The following TENM3 variants were observed in gnomAD, a reference collection of about 807,000 sequenced individuals.
The protein encoded by TENM3 is teneurin-3.
In TENM3, 63 loss-of-function variants were observed where a neutral mutation model predicts 255.1. The ratio of observed to expected loss-of-function variants is 0.25; its 90% CI spans 0.20 to 0.30. The LOEUF (loss-of-function observed/expected upper bound fraction) is 0.30, where lower values mean the gene tolerates loss of function less well. Among genes scored for constraint, TENM3 ranks in the 10% least tolerant of loss-of-function variants. TENM3 has a pLI of 1.00. For synonymous variants in TENM3, 1,306 were observed against 1,322.3 expected, an observed-to-expected ratio of 0.99 and a Z score of 0.27; for missense variants, 2,929 against 3,461.1, an observed-to-expected ratio of 0.85 and a Z score of 3.86.
chr4:181,696,066 C>T, the TENM3 span, among the ~76,000 whole-genome samples: 19 of 151,976 alleles, frequency 1.3e-4, no homozygotes, highest in Non-Finnish European at 2.5e-4. Context: ...GCCGGACACG[C>T]GTTTGTATTT....
chr4:182,522,577 A>T (rs1738693645), intron 3 of TENM3, among the ~76,000 whole-genome samples: 1 of 152,138 alleles, frequency 6.6e-6, no homozygotes, highest in South Asian at 2.1e-4. Flanking sequence ...TTTCTTTTTT[A>T]AAAAATTTAT....
chr4:181,870,176 A>G, the TENM3 span, among the ~76,000 whole-genome samples: 14 of 152,070 alleles, frequency 9.2e-5, no homozygotes, highest in African/African-American at 2.9e-4. Flanking sequence ...TTTATTTTTT[A>G]CTCTTGAATA....
At chr4:181,834,658 C>T in the TENM3 span, among the ~76,000 whole-genome samples, 2 of 152,178 alleles carry the variant, frequency 1.3e-5, no homozygotes. Flanking sequence ...TGAGAGTGAT[C>T]CTGTCATGCG....
At chr4:182,081,017 C>T in the TENM3 span, among the ~76,000 whole-genome samples, 1 of 151,850 alleles carries the variant, frequency 6.6e-6, no homozygotes, top group Non-Finnish European at 1.5e-5. Context: ...GACTAAGTAT[C>T]GCTGCCTTGC....
At chr4:181,939,097 A>G in the TENM3 span, among the ~76,000 whole-genome samples, 1 of 152,236 alleles carries the variant, frequency 6.6e-6, no homozygotes, top group Non-Finnish European at 1.5e-5. Context: ...AATGAAGATA[A>G]TAATTATAAC....
At chr4:181,650,500 G>C in the TENM3 span, among the ~76,000 whole-genome samples, 1 of 152,172 alleles carries the variant, frequency 6.6e-6, no homozygotes, top group African/African-American at 2.4e-5. Flanking sequence ...TGGAGACGGG[G>C]TGTTCATCAT....
intron 4 of TENM3, among the ~76,000 whole-genome samples, chr4:182,624,598 C>T (rs568036162): frequency 7.4e-4 from 112 of 152,288 alleles, no homozygotes; most frequent in Non-Finnish European, 1.3e-3. Context: ...CTGCTCCCAG[C>T]GTGGACATGT....
chr4:182,676,611 C>A (rs1316461283), intron 7 of TENM3, among the ~76,000 whole-genome samples: 1 of 152,160 alleles, frequency 6.6e-6, no homozygotes, highest in African/African-American at 2.4e-5. Flanking sequence ...TTGAATTAAA[C>A]ATATAATCTA....
intron 3 of TENM3, among the ~76,000 whole-genome samples, chr4:182,357,622 T>G (rs1478451764): frequency 6.7e-6 from 1 of 149,502 alleles, no homozygotes; most frequent in African/African-American, 2.5e-5. Flanking sequence ...TATTAGCCCT[T>G]TGTCAGATGA....
the TENM3 span, among the ~76,000 whole-genome samples, chr4:181,961,593 G>C: frequency 1.3e-5 from 2 of 151,926 alleles, no homozygotes; most frequent in African/African-American, 4.8e-5. Context: ...CTAATTTTTT[G>C]TGTTTTTAGT....
chr4:181,880,535 A>T, the TENM3 span, among the ~76,000 whole-genome samples: 1 of 152,216 alleles, frequency 6.6e-6, no homozygotes, highest in African/African-American at 2.4e-5. Context: ...GTTAAAAAAT[A>T]GTGACAACTT....
the TENM3 span, among the ~76,000 whole-genome samples, chr4:181,598,485 T>G: frequency 6.6e-6 from 1 of 152,182 alleles, no homozygotes; most frequent in African/African-American, 2.4e-5. Flanking sequence ...ATGTTAATGT[T>G]ACTCCTCTTT....
chr4:182,798,919 T>C (rs976368052), intron 27 of TENM3, among the ~76,000 whole-genome samples: 1 of 152,074 alleles, frequency 6.6e-6, no homozygotes, highest in Non-Finnish European at 1.5e-5. Flanking sequence ...ATGGCTGAGT[T>C]AAGATGCCCC....
chr4:181,589,907 T>G, the TENM3 span, among the ~76,000 whole-genome samples: 1 of 152,280 alleles, frequency 6.6e-6, no homozygotes, highest in African/African-American at 2.4e-5. Flanking sequence ...CATGGAAATG[T>G]TATCTCCTGC....
rs368946300 is a variant in TENM3, at chr4:182,586,866, AAAT to A, written c.512-14055_512-14053del. 6.8e-3 allele frequency among the ~76,000 whole-genome samples: 1,042 copies of A among 152,316 alleles called. 8 individuals carry two copies. Among genetic ancestry groups the A allele is most frequent in the African/African-American group, 0.024 (989 of 41,566 alleles). On this transcript the variant is annotated intron_variant, in intron 3 of 27. Coordinates refer to ENST00000511685, the MANE Select transcript of TENM3 (RefSeq NM_001080477.4). ...ACATATCAAATAATATGCTAGAAAA[AAAT>A]AACTGCAAAATTAATATATTTTTGA...
At chr4:182,314,386 T>C (rs1561310746) in intron 1 of TENM3, among the ~76,000 whole-genome samples, 1 of 152,094 alleles carries the variant, frequency 6.6e-6, no homozygotes, top group Non-Finnish European at 1.5e-5. Flanking sequence ...CCATGACAGC[T>C]GGTAGCATTT....
At chr4:182,418,968 A>C (rs2100618) in intron 3 of TENM3, among the ~76,000 whole-genome samples, 150,858 of 152,272 alleles carry the variant, frequency 0.99, 74,745 homozygotes, top group East Asian at 1. Context: ...TAGGGTTATG[A>C]GTGGATACGA....
the TENM3 span, among the ~76,000 whole-genome samples, chr4:181,815,916 C>G: frequency 6.6e-6 from 1 of 152,110 alleles, no homozygotes; most frequent in Non-Finnish European, 1.5e-5. Context: ...CTTTATATTG[C>G]TATTGGAATG....
chr4:182,375,187 C>T (rs2150884183), intron 3 of TENM3, among the ~76,000 whole-genome samples: 1 of 152,216 alleles, frequency 6.6e-6, no homozygotes, highest in Non-Finnish European at 1.5e-5. Flanking sequence ...TGCTTCATGA[C>T]ATTTAGCATT....
Sources: allele counts gnomAD v4.1 joint callset (sites outside exome capture counted in the v4.1 genomes callset), GRCh38; gene constraint gnomAD v4.1.1; transcripts MANE v1.5; gene names NCBI Gene and HGNC (gene_info 2026-07-23, HGNC 2026-07-21).